MPZL1: variants seen among roughly 807,000 people sequenced by gnomAD.
The protein encoded by MPZL1 is myelin protein zero-like protein 1.
Under a neutral mutation model 29.3 loss-of-function variants are expected in MPZL1, and 16 were observed. The ratio of observed to expected loss-of-function variants is 0.55; its 90% CI spans 0.37 to 0.83. The LOEUF is 0.83. Ranked by LOEUF, MPZL1 falls within the 40% of genes least tolerant of loss-of-function variation. The probability of loss-of-function intolerance (pLI) is 0.00; values close to 1 mark genes in which losing one functional copy is unlikely to be tolerated. For synonymous variants in MPZL1, 143 were observed against 132.0 expected, an observed-to-expected ratio of 1.08 and a Z score of -0.57; for missense variants, 279 against 332.9, an observed-to-expected ratio of 0.84 and a Z score of 1.26.
At chr1:167,744,832 G>T (rs1374406304) in intron 1 of MPZL1, among the ~76,000 whole-genome samples, 1 of 152,024 alleles carries the variant, frequency 6.6e-6, no homozygotes, top group Non-Finnish European at 1.5e-5. Flanking sequence ...CCATTAAATT[G>T]GGAGTAAGAT....
intron 5 of MPZL1, 30 bp downstream of exon 5, chr1:167,776,196 C>A (rs372143634): frequency 7.2e-6 from 11 of 1,522,510 alleles, no homozygotes; most frequent in African/African-American, 1.4e-5. Flanking sequence ...CTGCCCACTG[C>A]ACTGTTCCCT....
intron 5 of MPZL1, among the ~76,000 whole-genome samples, chr1:167,780,124 TTAATG>T (rs530247127): frequency 4.5e-4 from 68 of 152,218 alleles, no homozygotes; most frequent in African/African-American, 1.5e-3. Flanking sequence ...ACAAGAAACT[TTAATG>T]TAATCATTTC....
intron 1 of MPZL1, among the ~76,000 whole-genome samples, chr1:167,738,705 C>T (rs1007002842): frequency 2.1e-5 from 3 of 139,778 alleles, no homozygotes; most frequent in Admixed American, 1.4e-4. Context: ...AAGTATGTAG[C>T]ACATCCTCCT....
intron 1 of MPZL1, among the ~76,000 whole-genome samples, chr1:167,730,426 C>T (rs751253837): frequency 5.9e-5 from 9 of 152,014 alleles, no homozygotes; most frequent in Non-Finnish European, 1.0e-4. Flanking sequence ...TTACAGGTGC[C>T]TGCCACCACA....
intron 1 of MPZL1, among the ~76,000 whole-genome samples, chr1:167,742,954 G>A (rs1378427279): frequency 6.6e-6 from 1 of 151,930 alleles, no homozygotes; most frequent in Non-Finnish European, 1.5e-5. Context: ...AAGTATTTGG[G>A]TTTATTTTTG....
intron 1 of MPZL1, among the ~76,000 whole-genome samples, chr1:167,757,315 A>G (rs1176257969): frequency 6.6e-6 from 1 of 152,208 alleles, no homozygotes; most frequent in Non-Finnish European, 1.5e-5. Context: ...CTGTGAGGGA[A>G]TCGTGTGGAA....
In MPZL1 at chr1:167,778,901, A is replaced by G. The variant is rs1478405850; in HGVS notation, c.708+2735A>G. ...TATCCAAAATGAAGCTCAAAGAGAA[A>G]GACAGATGGCGGGGTGAAAGTGAAC... On this transcript the variant is annotated intron_variant, in intron 5 of 5. Transcript: ENST00000359523. 2.0e-5 allele frequency among the ~76,000 whole-genome samples: 3 copies of G among 152,176 alleles called. No homozygotes were observed. The South Asian group carries it at 6.2e-4, about 31-fold the overall frequency.
chr1:167,722,250 A>G lies in MPZL1; in HGVS notation c.91+8A>G. On this transcript the variant is annotated splice_region_variant and intron_variant, in intron 1 of 5. Transcript: ENST00000359523. ...CGGCGGCGCTTGGGCTCTGTAAGTG[A>G]TGCCAGGACCAGGGCTGGGGCCGGG... 1 of 1,238,204 alleles carries G rather than the reference A, an allele frequency of 8.1e-7. No individual in the cohort carries two copies. The highest frequency in any genetic ancestry group is 1.0e-6 in the Non-Finnish European group (1 of 987,468). The allele number at this position is 1,238,204 out of a possible 1,614,324, so 76.7% of individuals were successfully genotyped here.
At chr1:167,749,064 G>A (rs556400145) in intron 1 of MPZL1, among the ~76,000 whole-genome samples, 123 of 152,274 alleles carry the variant, frequency 8.1e-4, no homozygotes, top group Non-Finnish European at 1.3e-3. Flanking sequence ...AGATTTGGTT[G>A]TTCCAGGCAA....
At chr1:167,766,889 C>T (rs574218347) in intron 2 of MPZL1, among the ~76,000 whole-genome samples, 94 of 152,306 alleles carry the variant, frequency 6.2e-4, no homozygotes, top group Non-Finnish European at 1.3e-3. Flanking sequence ...ATAATATTTA[C>T]GGCCTCATAG....
At chr1:167,729,515 A>C (rs1033471192) in intron 1 of MPZL1, among the ~76,000 whole-genome samples, 1 of 152,214 alleles carries the variant, frequency 6.6e-6, no homozygotes, top group Admixed American at 6.5e-5. Context: ...AGTCAAGTCC[A>C]GGTTATCATT....
At chr1:167,757,323 G>C (rs958722450) in intron 1 of MPZL1, among the ~76,000 whole-genome samples, 4 of 152,140 alleles carry the variant, frequency 2.6e-5, no homozygotes, top group African/African-American at 9.7e-5. Flanking sequence ...GAATCGTGTG[G>C]AATTTTCACT....
At position 167,790,125 on chromosome 1, in the gene MPZL1, A is replaced by G. The variant is rs1661676434; in HGVS notation, c.*2204A>G. ...ATTGTTTTTTCACTGCTTTCTCAAC[A>G]GTTCCTGTGAATAAATGAAACATTT... On this transcript the variant is annotated 3_prime_UTR_variant, in exon 6 of 6. Transcript: ENST00000359523. 6.6e-6 allele frequency: 1 copy of G among 152,230 alleles called. No individual in the cohort carries two copies. Among genetic ancestry groups the G allele is most frequent in the African/African-American group, 2.4e-5 (1 of 41,440 alleles). 9.4% of individuals were successfully genotyped at this position (152,230 alleles called of 1,614,324 possible). A position where few individuals can be genotyped will look rare whatever the true frequency, so the allele number is the denominator to read the frequency against.
intron 1 of MPZL1, among the ~76,000 whole-genome samples, chr1:167,740,303 G>A (rs1016610630): frequency 3.3e-5 from 5 of 152,054 alleles, no homozygotes; most frequent in African/African-American, 1.2e-4. Context: ...TCCTTTCTTT[G>A]TATGTACACC....
At chr1:167,770,342 G>T (rs117372565) in intron 2 of MPZL1, among the ~76,000 whole-genome samples, 2 of 152,366 alleles carry the variant, frequency 1.3e-5, no homozygotes, top group East Asian at 3.9e-4. Flanking sequence ...TTAGAGCCAA[G>T]TGTGAGGATA....
At chr1:167,731,871 C>T (rs1660280930) in intron 1 of MPZL1, among the ~76,000 whole-genome samples, 3 of 151,950 alleles carry the variant, frequency 2.0e-5, no homozygotes, top group Admixed American at 1.3e-4. Flanking sequence ...AAAAATAAAC[C>T]AAAAAACAAG....
At chr1:167,773,845 C>G (rs1195026570) in intron 4 of MPZL1, 1 of 151,788 alleles carries the variant, frequency 6.6e-6, no homozygotes, top group East Asian at 1.9e-4. Flanking sequence ...ATTGCTTGAG[C>G]CGAGGCGTTT....
In MPZL1 at chr1:167,738,778, G is replaced by A. The variant is rs58000777; in HGVS notation, c.91+16536G>A. Among the ~76,000 whole-genome samples the A allele has an allele frequency of 8.1e-3, 1,240 of 152,220 alleles. 16 individuals carry two copies. Among genetic ancestry groups the A allele is most frequent in the African/African-American group, 0.028 (1,181 of 41,518 alleles). ...CTGCTCCCCATTCACCTTCTGCCAT[G>A]ATTGTAAGTTTCCTGAGGCCTCCCC... On this transcript the variant is annotated intron_variant, in intron 1 of 5. Transcript: ENST00000359523.
At chr1:167,746,833 A>T in intron 1 of MPZL1, among the ~76,000 whole-genome samples, 1 of 152,218 alleles carries the variant, frequency 6.6e-6, no homozygotes, top group East Asian at 1.9e-4. Context: ...GTTTCCTCTA[A>T]AATATAACTT....
Sources: gnomAD v4.1 joint callset for allele counts (sites outside exome capture counted in the v4.1 genomes callset) on GRCh38, gnomAD v4.1.1 for gene constraint, MANE v1.5 for transcripts, NCBI Gene and HGNC (gene_info 2026-07-23, HGNC 2026-07-21) for gene names.